The following C14orf39 variants were observed in gnomAD, a reference collection of about 807,000 sequenced individuals.
C14orf39 encodes the protein protein SIX6OS1.
C14orf39 carries 66 observed loss-of-function variants against 85.6 expected under a neutral mutation model. The ratio of observed to expected loss-of-function variants is 0.77; its 90% CI spans 0.63 to 0.95. The LOEUF (loss-of-function observed/expected upper bound fraction) is 0.95, where lower values mean the gene tolerates loss of function less well. Among genes scored for constraint, C14orf39 ranks in the 40% least tolerant of loss-of-function variants. C14orf39 has a pLI of 0.00. For missense variants in C14orf39, 735 were observed against 663.9 expected (o/e 1.11, Z -1.18); for synonymous variants, 242 against 214.0 (o/e 1.13, Z -1.14).
chr14:60,469,294 AATAT>A (rs1467478077), intron 8 of C14orf39, among the ~76,000 whole-genome samples: 2 of 148,422 alleles, frequency 1.3e-5, no homozygotes, highest in Admixed American at 6.8e-5. Context: ...TCAGTACCTA[AATAT>A]ATATATTAAA....
At chr14:60,442,027 T>A in intron 17 of C14orf39, 47 bp downstream of exon 17, 1 of 1,327,744 alleles carries the variant, frequency 7.5e-7, no homozygotes, top group Non-Finnish European at 1.1e-6. Context: ...AATACTGTAC[T>A]AATGAGTTAA....
intron 1 of C14orf39, chr14:60,511,127 C>T (rs148118869): frequency 1.2e-6 from 2 of 1,612,688 alleles, no homozygotes; most frequent in Middle Eastern, 1.6e-4. Flanking sequence ...GCGGGCACTA[C>T]GGGCGGAGGG....
chr14:60,494,137 G>T, intron 2 of C14orf39: 1 of 316,482 alleles, frequency 3.2e-6, no homozygotes, highest in Non-Finnish European at 6.5e-6. Context: ...TTCATCAAAG[G>T]GGCCAGAATT....
intron 16 of C14orf39, among the ~76,000 whole-genome samples, chr14:60,446,462 A>AT (rs1890770987): frequency 6.6e-6 from 1 of 152,236 alleles, no homozygotes; most frequent in South Asian, 2.1e-4. Flanking sequence ...AAATGCTTAA[A>AT]TTCCTGGACA....
At chr14:60,497,694 G>A (rs1893088423) in intron 2 of C14orf39, among the ~76,000 whole-genome samples, 1 of 152,014 alleles carries the variant, frequency 6.6e-6, no homozygotes. Flanking sequence ...TAGCCCACAT[G>A]GTGAAACCCC....
intron 14 of C14orf39, among the ~76,000 whole-genome samples, chr14:60,457,376 A>C (rs1040496319): frequency 1.4e-4 from 22 of 152,108 alleles, no homozygotes; most frequent in African/African-American, 4.6e-4. Flanking sequence ...TTGATGAAAA[A>C]AAAGACTAGG....
At chr14:60,482,109 T>G (rs778316073) in intron 4 of C14orf39, among the ~76,000 whole-genome samples, 1 of 152,198 alleles carries the variant, frequency 6.6e-6, no homozygotes, top group Admixed American at 6.5e-5. Context: ...GAGGTATTCA[T>G]GAATTTAGAC....
At chr14:60,462,450 C>T (rs141846868) in intron 11 of C14orf39, among the ~76,000 whole-genome samples, 1 of 152,058 alleles carries the variant, frequency 6.6e-6, no homozygotes, top group Admixed American at 6.6e-5. Context: ...TTCTTTCAAG[C>T]CTTTTGTTCT....
At chr14:60,457,824 T>C (rs1019546706) in intron 14 of C14orf39, among the ~76,000 whole-genome samples, 2 of 152,014 alleles carry the variant, frequency 1.3e-5, no homozygotes, top group Admixed American at 6.6e-5. Flanking sequence ...ATTTAAATAA[T>C]GCTTTCAAGA....
chr14:60,484,957 T>G lies in C14orf39; in HGVS notation c.50-20A>C. 1 of 1,579,428 alleles carries G rather than the reference T, an allele frequency of 6.3e-7. No individual in the cohort carries two copies. The highest frequency in any genetic ancestry group is 1.4e-5 in the African/African-American group (1 of 73,070). ...GGAAGACTAAAATAAATAATTATCT[T>G]GTGACTTCAATTCATTGTTAAAATA... On this transcript the variant is annotated intron_variant, in intron 2 of 17. Transcript: ENST00000321731. The surrounding 1 kb of genome is among the most constrained non-coding windows in gnomAD (Gnocchi z 4.2).
intron 5 of C14orf39, among the ~76,000 whole-genome samples, chr14:60,476,418 A>G (rs1892379659): frequency 6.6e-6 from 1 of 152,192 alleles, no homozygotes; most frequent in Non-Finnish European, 1.5e-5. Context: ...TTGAACAGGG[A>G]TGGGAGATTA....
At chr14:60,464,590 T>C (rs1352522380) in intron 11 of C14orf39, among the ~76,000 whole-genome samples, 1 of 152,112 alleles carries the variant, frequency 6.6e-6, no homozygotes, top group East Asian at 1.9e-4. Flanking sequence ...TAAATTGTTC[T>C]TTTTAAAAAT....
At chr14:60,440,746 C>T (rs1035638809) in intron 17 of C14orf39, among the ~76,000 whole-genome samples, 1 of 152,128 alleles carries the variant, frequency 6.6e-6, no homozygotes, top group Non-Finnish European at 1.5e-5. Flanking sequence ...GCTCTCCATC[C>T]ACCTCTTGGA....
At chr14:60,508,703 T>TG (rs1184544141) in intron 1 of C14orf39, among the ~76,000 whole-genome samples, 1 of 152,066 alleles carries the variant, frequency 6.6e-6, no homozygotes, top group Non-Finnish European at 1.5e-5. Flanking sequence ...ACCGGCTTCC[T>TG]GCTCCCACCG....
intron 14 of C14orf39, 44 bp from the exon 15 acceptor site, chr14:60,457,139 G>A (rs770504576): frequency 1.6e-6 from 2 of 1,286,442 alleles, no homozygotes; most frequent in South Asian, 1.7e-5. Flanking sequence ...AAATGCTGCT[G>A]CATTAATGAC....
intron 11 of C14orf39, among the ~76,000 whole-genome samples, chr14:60,462,209 T>C (rs1595461759): frequency 7.0e-6 from 1 of 142,326 alleles, no homozygotes; most frequent in African/African-American, 2.6e-5. Flanking sequence ...ACCCCATCTC[T>C]ACAAAAAATT....
At chr14:60,464,867 C>T (rs931002917) in intron 11 of C14orf39, among the ~76,000 whole-genome samples, 7 of 151,936 alleles carry the variant, frequency 4.6e-5, no homozygotes, top group Admixed American at 1.3e-4. Flanking sequence ...ATTTCTGGCA[C>T]CTTATTCGTT....
At chr14:60,441,466 A>T (rs1218961539) in intron 17 of C14orf39, among the ~76,000 whole-genome samples, 1 of 152,204 alleles carries the variant, frequency 6.6e-6, no homozygotes, top group East Asian at 1.9e-4. Flanking sequence ...TATTAGATTT[A>T]AAATCATAAT....
chr14:60,485,349 C>T (rs757497504), intron 1 of C14orf39, among the ~76,000 whole-genome samples: 20 of 152,194 alleles, frequency 1.3e-4, no homozygotes, highest in African/African-American at 4.6e-4. Flanking sequence ...ACCCGCATAA[C>T]CGCTTATGCG....
Sources: gnomAD v4.1 joint callset for allele counts (sites outside exome capture counted in the v4.1 genomes callset) on GRCh38, gnomAD v4.1.1 for gene constraint, Gnocchi (gnomAD v3.1) non-coding constraint, MANE v1.5 for transcripts, NCBI Gene and HGNC (gene_info 2026-07-23, HGNC 2026-07-21) for gene names.